Variants in NLRP11 observed in about 807,000 individuals in gnomAD.
The protein encoded by NLRP11 is NACHT, LRR and PYD domains-containing protein 11.
In NLRP11, 53 loss-of-function variants were observed where a neutral mutation model predicts 79.3. The ratio of observed to expected loss-of-function variants is 0.67; its 90% CI spans 0.54 to 0.84. The LOEUF is 0.84. NLRP11 is among the 40% of genes least tolerant of loss of function. The pLI, the probability that NLRP11 is intolerant of heterozygous loss-of-function variation, is 0.00. For missense variants in NLRP11, 1,264 were observed against 1,255.0 expected (o/e 1.01, Z -0.11); for synonymous variants, 518 against 462.6 (o/e 1.12, Z -1.54).
upstream of NLRP11, chr19:55,832,183 C>T (rs1168582135): frequency 6.6e-6 from 1 of 152,220 alleles, no homozygotes; most frequent in East Asian, 1.9e-4. Context: ...TAAACAGGGT[C>T]TGCTGATTAG....
chr19:55,810,029 A>T, exon 3 of NLRP11: 1 of 1,614,174 alleles, frequency 6.2e-7, no homozygotes, highest in South Asian at 1.1e-5. Flanking sequence ...GCTGTTGGTC[A>T]TCTGGTTTAT....
At chr19:55,820,346 C>T (rs1166304058) in intron 1 of NLRP11, among the ~76,000 whole-genome samples, 1 of 151,374 alleles carries the variant, frequency 6.6e-6, no homozygotes, top group Non-Finnish European at 1.5e-5. Context: ...AAATCATATA[C>T]AATTTTAGGG....
At chr19:55,821,297 G>A (rs145676384) in intron 1 of NLRP11, among the ~76,000 whole-genome samples, 11 of 151,224 alleles carry the variant, frequency 7.3e-5, no homozygotes, top group Non-Finnish European at 1.5e-4. Context: ...CCAATACCTC[G>A]TGTGTGTTTT....
chr19:55,787,339 G>T (rs946961850), intron 9 of NLRP11, among the ~76,000 whole-genome samples: 6 of 152,122 alleles, frequency 3.9e-5, no homozygotes, highest in African/African-American at 1.4e-4. Context: ...AGCAAGACCT[G>T]TGATTTGCTT....
Position 55,788,986 on chromosome 19 carries a change from A to G in NLRP11, c.2685-9T>C. 6.2e-7 allele frequency: 1 copy of G among 1,613,956 alleles called. No homozygotes were observed. The highest frequency in any genetic ancestry group is 8.5e-7 in the Non-Finnish European group (1 of 1,179,952). ...ACATGCACTCTTCTAGCCTGCAACG[A>G]AGATGCACAGGTAAGGTGGGGCCAA... On this transcript the variant is annotated splice_polypyrimidine_tract_variant and intron_variant, in intron 8 of 9. Coordinates refer to ENST00000589093, the Ensembl canonical transcript of NLRP11.
intron 1 of NLRP11, among the ~76,000 whole-genome samples, chr19:55,824,330 C>G (rs1490042170): frequency 3.3e-5 from 5 of 149,254 alleles, no homozygotes; most frequent in Non-Finnish European, 5.9e-5. Context: ...TAAAGACCAT[C>G]GAGACCAGGA....
intron 2 of NLRP11, 92 bp downstream of exon 2, chr19:55,817,812 C>A (rs1981283670): frequency 3.1e-6 from 3 of 957,618 alleles, no homozygotes; most frequent in South Asian, 1.7e-5. Flanking sequence ...TTCCCAGAAA[C>A]CTATTTAGAA....
intron 1 of NLRP11, among the ~76,000 whole-genome samples, chr19:55,829,527 C>A (rs302477): frequency 7.2e-5 from 11 of 151,738 alleles, no homozygotes; most frequent in African/African-American, 2.2e-4. Context: ...ATTAGCCGGG[C>A]GTGGTGGCAC....
intron 1 of NLRP11, among the ~76,000 whole-genome samples, chr19:55,820,404 G>A (rs1216408404): frequency 2.0e-5 from 3 of 152,122 alleles, no homozygotes; most frequent in Non-Finnish European, 4.4e-5. Flanking sequence ...GAGGACAGAT[G>A]AAAGGCCACC....
chr19:55,809,888 T>C lies in NLRP11; in HGVS notation c.722A>G (p.Asn241Ser). 1 of 1,614,206 alleles carries C rather than the reference T, an allele frequency of 6.2e-7. No homozygotes were observed. Among genetic ancestry groups the C allele is most frequent in the Non-Finnish European group, 8.5e-7 (1 of 1,180,024 alleles). The stretch of plus-strand genomic sequence containing the variant: ...GCTGTTACTACACAAAGCACTTTCA[T>C]TGACATTTAACTCGAATCTTATGTT... Residue 241 changes from asparagine (N) to serine (S), a missense_variant, in exon 3 of 10, where the codon AAT becomes AGT. By Grantham distance (46) the Asn-to-Ser change is conservative (BLOSUM62 1). Transcript: ENST00000589093. The surrounding 1 kb of genome is among the most constrained non-coding windows in gnomAD (Gnocchi z 4.5).
chr19:55,835,473 G>A (rs1209470763), upstream of NLRP11, among the ~76,000 whole-genome samples: 1 of 152,066 alleles, frequency 6.6e-6, no homozygotes, highest in Non-Finnish European at 1.5e-5. Flanking sequence ...GGCCGAGGCG[G>A]GCAGATCACT....
intron 2 of NLRP11, among the ~76,000 whole-genome samples, chr19:55,812,591 G>A (rs181129019): frequency 1.5e-3 from 226 of 152,220 alleles, no homozygotes; most frequent in African/African-American, 5.2e-3. Flanking sequence ...GAAGACAAAC[G>A]GTAAGTGTGG....
In NLRP11 at chr19:55,807,847, A is replaced by T; in HGVS notation, c.2003+6T>A. On this transcript the variant is annotated splice_donor_region_variant and intron_variant, in intron 4 of 9. Transcript: ENST00000589093. The stretch of plus-strand genomic sequence containing the variant: ...CCTCTAAGGCAGAGGTTGATATAGT[A>T]CTTACTTGAGTGTGCGAAGTTTACA... 6.3e-7 allele frequency: 1 copy of T among 1,599,360 alleles called. No homozygotes were observed.
intron 7 of NLRP11, 76 bp from the exon 8 acceptor site, chr19:55,789,475 T>C (rs1043915400): frequency 7.4e-7 from 1 of 1,357,820 alleles, no homozygotes; most frequent in Non-Finnish European, 1.0e-6. Context: ...TTAAGCATTC[T>C]TGGACCCGTC....
rs200402695 is a variant in NLRP11 at position 55,809,215 on chromosome 19, T to C, written c.1395A>G (p.Ala465=). 8.1e-6 allele frequency: 13 copies of C among 1,613,546 alleles called. No homozygotes were observed. In the East Asian group the frequency reaches 2.9e-4, roughly 36 times the overall value. ...CTGAGGGGATCAGATAGTTGGGTAC[T>C]GCCATCAGAAATGCAATGGCTGTAC... Residue 465 remains alanine, a synonymous_variant, in exon 3 of 10, where the codon GCA becomes GCG. Coordinates refer to ENST00000589093, the Ensembl canonical transcript of NLRP11. This position sits in a 1 kb window ranked among gnomAD's most constrained non-coding sequence, Gnocchi z 4.5.
At chr19:55,817,857 T>A (rs756691352) in intron 2 of NLRP11, 47 bp downstream of exon 2, 1 of 1,452,796 alleles carries the variant, frequency 6.9e-7, no homozygotes, top group Non-Finnish European at 9.3e-7. Context: ...CCCAGCTTCC[T>A]GTGAAGTGCC....
rs537103049 is a variant in NLRP11, at chr19:55,791,647, A to G, written c.2513+654T>C. 3.3e-5 allele frequency among the ~76,000 whole-genome samples: 5 copies of G among 152,346 alleles called. No individual in the cohort carries two copies. The South Asian group carries it at 8.3e-4, about 25-fold the overall frequency. On this transcript the variant is annotated intron_variant, in intron 7 of 9. Transcript: ENST00000589093. ...ATTTTCAAGAGAGTTCAAATTAAAC[A>G]ACTCCAAGGCATTTTTTAAACAATT...
intron 3 of NLRP11, among the ~76,000 whole-genome samples, chr19:55,808,290 T>A (rs1980206077): frequency 6.6e-6 from 1 of 152,340 alleles, no homozygotes; most frequent in South Asian, 2.1e-4. Flanking sequence ...AAAATCAATG[T>A]TGCATGTTTT....
At chr19:55,822,187 C>T (rs2616946) in intron 1 of NLRP11, among the ~76,000 whole-genome samples, 59,898 of 151,982 alleles carry the variant, frequency 0.39, 14,454 homozygotes, top group African/African-American at 0.68. Context: ...TCACTTGAAC[C>T]TGGGAGGCAG....
Sources: gnomAD v4.1 joint callset for allele counts (sites outside exome capture counted in the v4.1 genomes callset) on GRCh38, gnomAD v4.1.1 for gene constraint, Gnocchi (gnomAD v3.1) non-coding constraint, MANE v1.5 for transcripts, NCBI Gene and HGNC (gene_info 2026-07-23, HGNC 2026-07-21) for gene names.